The following IRAK2 variants were observed in gnomAD, a reference collection of about 807,000 sequenced individuals.
The protein encoded by IRAK2 is interleukin 1 receptor associated kinase 2, also known as interleukin-1 receptor-associated kinase-like 2.
In IRAK2, 57 loss-of-function variants were observed where a neutral mutation model predicts 72.0. The observed-to-expected ratio is 0.79, with a 90% CI of 0.64 to 0.99. The LOEUF is 0.99. IRAK2 is among the 50% of genes least tolerant of loss of function. The pLI, the probability that IRAK2 is intolerant of heterozygous loss-of-function variation, is 0.00. For missense variants in IRAK2, 790 were observed against 794.4 expected, an observed-to-expected ratio of 0.99 and a Z score of 0.07; for synonymous variants, 293 against 312.7, an observed-to-expected ratio of 0.94 and a Z score of 0.67.
At chr3:10,240,542 C>A (rs1288500642) in intron 12 of IRAK2, among the ~76,000 whole-genome samples, 6 of 16,930 alleles carry the variant, frequency 3.5e-4, no homozygotes, top group Non-Finnish European at 5.7e-4. Flanking sequence ...AGGAAGCCCC[C>A]CCCCCCCCCC....
chr3:10,231,954 G>A (rs1276254970), intron 10 of IRAK2, among the ~76,000 whole-genome samples: 2 of 152,032 alleles, frequency 1.3e-5, no homozygotes, highest in Non-Finnish European at 2.9e-5. Context: ...GTGAAACCCC[G>A]TCTCTACTAA....
At chr3:10,219,834 G>A (rs1196118416) in intron 8 of IRAK2, 45 bp downstream of exon 8, 3 of 1,334,942 alleles carry the variant, frequency 2.2e-6, no homozygotes. Context: ...GGCTGCAAGG[G>A]TGGAACTGGT....
chr3:10,197,974 C>T (rs696049), intron 2 of IRAK2, among the ~76,000 whole-genome samples: 5 of 151,190 alleles, frequency 3.3e-5, no homozygotes, highest in Admixed American at 3.3e-4. Flanking sequence ...CTGAGGAGGG[C>T]GGATCATGAC....
intron 4 of IRAK2, among the ~76,000 whole-genome samples, chr3:10,211,445 CGCCA>C (rs139475434): frequency 1 from 152,143 of 152,150 alleles, 76,068 homozygotes; most frequent in Middle Eastern, 1. Flanking sequence ...TGCCTGGCCT[CGCCA>C]AAAAAAAAAG....
intron 11 of IRAK2, among the ~76,000 whole-genome samples, chr3:10,237,210 T>TA (rs1441745295): frequency 1.3e-5 from 2 of 152,260 alleles, no homozygotes; most frequent in Non-Finnish European, 2.9e-5. Flanking sequence ...TGTGAAGATT[T>TA]ATCTCAAGAA....
At chr3:10,209,786 T>C in intron 4 of IRAK2, 94 bp downstream of exon 4, 2 of 658,640 alleles carry the variant, frequency 3.0e-6, no homozygotes, top group Non-Finnish European at 4.9e-6. Context: ...TGAGACCAGT[T>C]TAAGGGTGGA....
chr3:10,207,003 G>A (rs763727715), intron 3 of IRAK2, among the ~76,000 whole-genome samples: 6 of 151,936 alleles, frequency 3.9e-5, no homozygotes, highest in African/African-American at 9.7e-5. Context: ...ACAGGCACTC[G>A]CCATCATGCC....
chr3:10,232,876 C>A (rs1697880406), intron 10 of IRAK2, among the ~76,000 whole-genome samples: 1 of 151,942 alleles, frequency 6.6e-6, no homozygotes, highest in African/African-American at 2.4e-5. Flanking sequence ...CCAGCCTGGG[C>A]AACATAATGA....
intron 9 of IRAK2, 131 bp from the exon 10 acceptor site, chr3:10,226,240 G>A: frequency 1.7e-6 from 1 of 588,876 alleles, no homozygotes; most frequent in Non-Finnish European, 3.1e-6. Context: ...TCCAGATTTT[G>A]GGCAGGTGTG....
chr3:10,223,259 A>T (rs1176528158), intron 9 of IRAK2, among the ~76,000 whole-genome samples: 1 of 152,000 alleles, frequency 6.6e-6, no homozygotes, highest in Non-Finnish European at 1.5e-5. Flanking sequence ...ATTTGTCCTT[A>T]TTTGTTCATC....
chr3:10,180,261 A>C (rs1368965946), intron 2 of IRAK2, among the ~76,000 whole-genome samples: 2 of 152,024 alleles, frequency 1.3e-5, no homozygotes, highest in Admixed American at 1.3e-4. Flanking sequence ...GCATGTACTT[A>C]ACTGAGCACC....
chr3:10,170,622 G>T (rs749784240), intron 1 of IRAK2, among the ~76,000 whole-genome samples: 4 of 152,262 alleles, frequency 2.6e-5, no homozygotes, highest in African/African-American at 9.6e-5. Context: ...TGGAAGCCCC[G>T]TGCGGGCAGG....
intron 2 of IRAK2, among the ~76,000 whole-genome samples, chr3:10,193,720 G>A (rs772427142): frequency 1.2e-4 from 18 of 152,342 alleles, no homozygotes; most frequent in East Asian, 5.8e-4. Context: ...TGTTCCTTCC[G>A]TCACCTGCGT....
intron 11 of IRAK2, among the ~76,000 whole-genome samples, 175 bp downstream of exon 11, chr3:10,234,834 G>T (rs955415568): frequency 6.6e-5 from 10 of 152,208 alleles, no homozygotes; most frequent in Admixed American, 3.3e-4. Context: ...ATAGTGCGGA[G>T]CCCGAGGACG....
chr3:10,216,878 A>AAGT (rs1331177630), intron 6 of IRAK2, 56 bp from the exon 7 acceptor site: 9 of 1,299,290 alleles, frequency 6.9e-6, no homozygotes, highest in Non-Finnish European at 1.0e-5. Flanking sequence ...GGACATGAGG[A>AAGT]AGTAGATCAT....
intron 1 of IRAK2, among the ~76,000 whole-genome samples, chr3:10,172,098 C>T (rs1007785326): frequency 3.3e-5 from 5 of 152,022 alleles, no homozygotes; most frequent in East Asian, 3.9e-4. Context: ...TGGCCAGGTG[C>T]GGTGGCTCAT....
chr3:10,241,975 T>TAAAAAACAAAGAAAAAAA, intron 12 of IRAK2, 141 bp from the exon 13 acceptor site: 2 of 360,952 alleles, frequency 5.5e-6, no homozygotes, highest in East Asian at 9.3e-5. Flanking sequence ...CCTGTCTCGA[T>TAAAAAACAAAGAAAAAAA]AAAAAAAAAA....
Position 10,200,459 on chromosome 3 carries a change from C to A in IRAK2, c.368C>A (p.Ala123Asp), listed in dbSNP as rs1005302033. The A allele has an allele frequency of 6.2e-7, 1 of 1,607,858 alleles. No homozygotes were observed. Among genetic ancestry groups the A allele is most frequent in the Non-Finnish European group, 8.5e-7 (1 of 1,174,914 alleles). Residue 123 changes from alanine to aspartate, a missense_variant, in exon 3 of 13, where the codon GCT (alanine) becomes GAT (aspartate). Ala to Asp is a moderately radical substitution (Grantham distance 126). Coordinates refer to ENST00000256458, the MANE Select transcript of IRAK2 (RefSeq NM_001570.4). The stretch of plus-strand genomic sequence containing the variant: ...CCTTTGGCAGCTTCTGTAAGAAAGG[C>A]TGAGGATGAACAGGAAGAGGGGCAG... The part of the protein sequence containing the change: ...EKPLAASVRK[A>D]EDEQEEGQPV...
At chr3:10,169,135 G>T (rs1396136613) in intron 1 of IRAK2, among the ~76,000 whole-genome samples, 1 of 152,134 alleles carries the variant, frequency 6.6e-6, no homozygotes, top group African/African-American at 2.4e-5. Context: ...AAGGGGAGGG[G>T]TGTACGAATA....
Sources: gnomAD v4.1 joint callset for allele counts (sites outside exome capture counted in the v4.1 genomes callset) on GRCh38, gnomAD v4.1.1 for gene constraint, MANE v1.5 for transcripts, NCBI Gene and HGNC (gene_info 2026-07-23, HGNC 2026-07-21) for gene names.